The following SCN8A variants were observed in gnomAD, a reference collection of about 807,000 sequenced individuals.
SCN8A encodes the protein sodium channel protein type 8 subunit alpha.
Under a neutral mutation model 184.1 loss-of-function variants are expected in SCN8A, and 30 were observed. The ratio of observed to expected loss-of-function variants is 0.16; its 90% confidence interval spans 0.12 to 0.22. The LOEUF (loss-of-function observed/expected upper bound fraction) is 0.22. Ranked by LOEUF, SCN8A falls within the 10% of genes least tolerant of loss-of-function variation. The pLI is 1.00. For synonymous variants in SCN8A, 852 were observed against 907.0 expected (o/e 0.94, Z 1.09); for missense variants, 1,057 against 2,498.9 (o/e 0.42, Z 12.30).
At chr12:51,681,404 A>G (rs1375289223) in intron 2 of SCN8A, among the ~76,000 whole-genome samples, 3 of 152,192 alleles carry the variant, frequency 2.0e-5, no homozygotes, top group African/African-American at 7.2e-5. Context: ...CTTCATGGGA[A>G]CCTCATGAGG....
In SCN8A at chr12:51,713,059, A is replaced by G. The variant is rs191599317; in HGVS notation, c.1635+6344A>G. ...AATAGTGTGGTATTTCTGAACAACA[A>G]TTTTATCAACTGTATCATGATCATC... On this transcript the variant is annotated intron_variant, in intron 11 of 26. Coordinates refer to ENST00000627620, the MANE Select transcript of SCN8A (RefSeq NM_001330260.2). The G allele has an allele frequency of 2.5e-4, 377 of 1,487,088 alleles. 4 individuals are homozygous for G. The East Asian group carries it at 8.1e-3, about 32-fold the overall frequency. 92.1% of individuals were successfully genotyped at this position (1,487,088 alleles called of 1,614,324 possible).
In SCN8A at chr12:51,744,468, A is replaced by G. The variant is rs887835120; in HGVS notation, c.1999-1435A>G. Among the ~76,000 whole-genome samples, 3 of 152,248 alleles carry G rather than the reference A, an allele frequency of 2.0e-5. No homozygotes were observed. The East Asian group carries it at 5.8e-4, about 29-fold the overall frequency. On this transcript the variant is annotated intron_variant, in intron 12 of 26. Coordinates refer to ENST00000627620, the MANE Select transcript of SCN8A (RefSeq NM_001330260.2). ...AGTCATTCTTACATACACAGATGTT[A>G]GTGTAGTAATGCAGCAAGGAATTCC...
At chr12:51,706,334 A>G (rs1941782452) in intron 10 of SCN8A, 88 bp from the exon 11 acceptor site, 1 of 1,268,396 alleles carries the variant, frequency 7.9e-7, no homozygotes, top group Non-Finnish European at 1.0e-6. Flanking sequence ...TCCCTTCAGT[A>G]GGGAAATGTT....
At chr12:51,684,478 T>G (rs1941387809) in intron 3 of SCN8A, among the ~76,000 whole-genome samples, 186 bp downstream of exon 3, 1 of 152,182 alleles carries the variant, frequency 6.6e-6, no homozygotes, top group African/African-American at 2.4e-5. Flanking sequence ...AAATTATTAT[T>G]TTTTTTCTTA....
intron 22 of SCN8A, among the ~76,000 whole-genome samples, chr12:51,788,008 C>A (rs1267278165): frequency 6.6e-6 from 1 of 152,152 alleles, no homozygotes; most frequent in African/African-American, 2.4e-5. Context: ...AGTACTAGGG[C>A]CCTCAGATGA....
At chr12:51,612,949 C>T in intron 1 of SCN8A, among the ~76,000 whole-genome samples, 1 of 152,148 alleles carries the variant, frequency 6.6e-6, no homozygotes, top group East Asian at 1.9e-4. Context: ...TCTTGAACTC[C>T]TGACATCCCG....
chr12:51,756,317 C>A (rs1942674046), intron 14 of SCN8A, among the ~76,000 whole-genome samples: 1 of 152,150 alleles, frequency 6.6e-6, no homozygotes, highest in Admixed American at 6.5e-5. Flanking sequence ...CCTCACTGTC[C>A]ACCTCCCTGT....
chr12:51,741,270 A>G (rs776295111), intron 12 of SCN8A, among the ~76,000 whole-genome samples: 5 of 152,328 alleles, frequency 3.3e-5, no homozygotes, highest in Middle Eastern at 3.4e-3. Flanking sequence ...TAATGTAAGT[A>G]TAGCTACTAC....
intron 26 of SCN8A, among the ~76,000 whole-genome samples, chr12:51,799,117 CTCT>C (rs1938489558): frequency 6.6e-6 from 1 of 152,218 alleles, no homozygotes; most frequent in East Asian, 1.9e-4. Context: ...CCCTAGTCTT[CTCT>C]TCTTCTGTCA....
At chr12:51,687,522 G>A (rs1312348621) in intron 5 of SCN8A, among the ~76,000 whole-genome samples, 5 of 152,098 alleles carry the variant, frequency 3.3e-5, no homozygotes, top group Non-Finnish European at 7.4e-5. Flanking sequence ...TAACGATCAC[G>A]GTTTGCACAC....
At chr12:51,704,981 AAAAT>A (rs1177772523) in intron 9 of SCN8A, among the ~76,000 whole-genome samples, 1 of 152,182 alleles carries the variant, frequency 6.6e-6, no homozygotes, top group Non-Finnish European at 1.5e-5. Context: ...TCTCAAAAAA[AAAAT>A]AAATAAAATA....
intron 14 of SCN8A, among the ~76,000 whole-genome samples, chr12:51,754,278 A>G (rs75696046): frequency 0.018 from 2,740 of 151,682 alleles, 68 homozygotes; most frequent in African/African-American, 0.062. Context: ...CTTTTTAAAC[A>G]TTCTGAATCT....
chr12:51,666,345 T>C (rs1386831918), intron 2 of SCN8A, among the ~76,000 whole-genome samples: 1 of 152,176 alleles, frequency 6.6e-6, no homozygotes, highest in Non-Finnish European at 1.5e-5. Context: ...GAGTGATTTT[T>C]TTGCACCCGC....
At chr12:51,606,960 C>T (rs986925406) in intron 1 of SCN8A, among the ~76,000 whole-genome samples, 8 of 151,266 alleles carry the variant, frequency 5.3e-5, no homozygotes, top group African/African-American at 1.2e-4. Flanking sequence ...TTCAGTGGCA[C>T]GATCTCAGCT....
intron 11 of SCN8A, chr12:51,712,645 A>C: frequency 1.3e-6 from 1 of 795,910 alleles, no homozygotes; most frequent in Non-Finnish European, 2.2e-6. Flanking sequence ...TACCACCGCC[A>C]AAATTTCCTC....
rs538322644 is a variant in SCN8A, at chr12:51,794,722, A to C, written c.4795+81A>C. On this transcript the variant is annotated intron_variant, in intron 26 of 26. Coordinates refer to ENST00000627620, the MANE Select transcript of SCN8A (RefSeq NM_001330260.2). ...ATGAGATTTCCCAGGAGAGGAATGAATGACACAGGTCTGAAGTGCAGGCAA... is the reference window on the plus strand; with the variant it reads ...ATGAGATTTCCCAGGAGAGGAATGACTGACACAGGTCTGAAGTGCAGGCAA... The C allele has an allele frequency of 5.1e-3, 7,085 of 1,402,086 alleles. 34 individuals are homozygous for C. The highest frequency in any genetic ancestry group is 6.1e-3 in the Non-Finnish European group (6,237 of 1,017,888). 86.9% of individuals were successfully genotyped at this position (1,402,086 alleles called of 1,614,324 possible).
At chr12:51,639,878 G>GTTTT (rs1565869570) in intron 1 of SCN8A, among the ~76,000 whole-genome samples, 1 of 18,786 alleles carries the variant, frequency 5.3e-5, no homozygotes, top group Non-Finnish European at 1.2e-4. Context: ...TAAGGTATAT[G>GTTTT]CTTTTTTTTT....
At chr12:51,606,432 G>A (rs1017711297) in intron 1 of SCN8A, among the ~76,000 whole-genome samples, 12 of 152,160 alleles carry the variant, frequency 7.9e-5, no homozygotes, top group African/African-American at 2.7e-4. Context: ...TCTCTATTCT[G>A]TTCCGTTGGT....
intron 26 of SCN8A, among the ~76,000 whole-genome samples, chr12:51,801,862 C>T (rs1159561151): frequency 6.6e-6 from 1 of 152,144 alleles, no homozygotes; most frequent in Non-Finnish European, 1.5e-5. Flanking sequence ...CAAGACCAGC[C>T]TGGCCAATAT....
Sources: allele counts gnomAD v4.1 joint callset (sites outside exome capture counted in the v4.1 genomes callset), GRCh38; gene constraint gnomAD v4.1.1; transcripts MANE v1.5; gene names NCBI Gene and HGNC (gene_info 2026-07-23, HGNC 2026-07-21).